PAN3: variants seen among roughly 807,000 people sequenced by gnomAD.
PAN3 encodes PAN2-PAN3 deadenylation complex subunit PAN3.
PAN3 carries 19 observed loss-of-function variants against 96.2 expected under a neutral mutation model. That is an observed-to-expected ratio of 0.20 (90% CI 0.14 to 0.29). The LOEUF (loss-of-function observed/expected upper bound fraction) is 0.29. Among genes scored for constraint, PAN3 ranks in the 10% least tolerant of loss-of-function variants. The pLI is 1.00. For synonymous variants in PAN3, 433 were observed against 406.6 expected (o/e 1.06, Z -0.78); for missense variants, 882 against 1,108.1 (o/e 0.80, Z 2.90).
chr13:28,196,348 A>G lies in PAN3; in HGVS notation c.691-837A>G, dbSNP rs148003307. On this transcript the variant is annotated intron_variant, in intron 4 of 18. Transcript: ENST00000380958. ...TTTCCTTAAGATGCAGTCTAGTGCA[A>G]ATTTGCTGTAATTAAGAGAAGTGAG... Among the ~76,000 whole-genome samples, 22 of 152,280 alleles carry G rather than the reference A, an allele frequency of 1.4e-4. No homozygotes were observed. In the East Asian group the frequency reaches 4.0e-3, roughly 28 times the overall value.
chr13:28,192,387 A>AT (rs1160668834), intron 4 of PAN3, among the ~76,000 whole-genome samples: 3 of 152,164 alleles, frequency 2.0e-5, no homozygotes, highest in Non-Finnish European at 2.9e-5. Flanking sequence ...TAAAAATTGC[A>AT]TTCAAGCTTC....
rs17086464 is a variant in PAN3, at chr13:28,257,115, A to T, written c.1248+576A>T. Among the ~76,000 whole-genome samples the T allele has an allele frequency of 4.4e-3, 664 of 152,260 alleles. 9 individuals are homozygous for T. The highest frequency in any genetic ancestry group is 0.015 in the African/African-American group (631 of 41,554). Reference sequence around the variant, plus strand: ...CGAAAGAGCTACCAAAGGACTGGCGATGAAGTGAGGGAAGAATCGTGAAAC... The same window carrying T: ...CGAAAGAGCTACCAAAGGACTGGCGTTGAAGTGAGGGAAGAATCGTGAAAC... On this transcript the variant is annotated intron_variant, in intron 7 of 18. Coordinates refer to ENST00000380958, the MANE Select transcript of PAN3 (RefSeq NM_175854.8).
intron 5 of PAN3, among the ~76,000 whole-genome samples, chr13:28,208,626 A>G (rs1879660727): frequency 6.6e-6 from 1 of 152,066 alleles, no homozygotes; most frequent in Non-Finnish European, 1.5e-5. Flanking sequence ...ATTGACTTTG[A>G]GCATCATGTT....
At chr13:28,228,010 A>G (rs1339723186) in intron 6 of PAN3, among the ~76,000 whole-genome samples, 1 of 152,200 alleles carries the variant, frequency 6.6e-6, no homozygotes, top group African/African-American at 2.4e-5. Flanking sequence ...GGAGAGTTAG[A>G]TGTCGATCTT....
chr13:28,178,140 G>T (rs1048305181), intron 4 of PAN3, among the ~76,000 whole-genome samples: 1 of 152,086 alleles, frequency 6.6e-6, no homozygotes, highest in Non-Finnish European at 1.5e-5. Context: ...GAGATTTTGT[G>T]TGAAGGGATG....
At chr13:28,179,628 T>C (rs1253651749) in intron 4 of PAN3, among the ~76,000 whole-genome samples, 1 of 150,324 alleles carries the variant, frequency 6.7e-6, no homozygotes, top group Non-Finnish European at 1.5e-5. Context: ...CGTTTGAGCC[T>C]GGGCGGTTGA....
intron 5 of PAN3, among the ~76,000 whole-genome samples, chr13:28,208,846 G>A (rs1004128818): frequency 6.6e-6 from 1 of 152,046 alleles, no homozygotes; most frequent in South Asian, 2.1e-4. Flanking sequence ...TCCATTCAGC[G>A]ATGATATGCA....
chr13:28,200,832 C>A (rs989076651), intron 5 of PAN3, among the ~76,000 whole-genome samples: 1 of 152,282 alleles, frequency 6.6e-6, no homozygotes, highest in Admixed American at 6.5e-5. Flanking sequence ...CAGTCGGGAA[C>A]CTTTGGAATG....
At chr13:28,214,889 T>C in intron 5 of PAN3, 1 of 883,662 alleles carries the variant, frequency 1.1e-6, no homozygotes, top group Non-Finnish European at 1.9e-6. Context: ...AAATTGAAGC[T>C]AGTAGCTCCA....
At chr13:28,282,541 TCCC>T (rs1432722354) in intron 17 of PAN3, among the ~76,000 whole-genome samples, 2 of 152,204 alleles carry the variant, frequency 1.3e-5, no homozygotes, top group Non-Finnish European at 2.9e-5. Context: ...TATTCTTGAT[TCCC>T]CCAATATATA....
At chr13:28,215,443 G>A (rs1381051839) in intron 5 of PAN3, 13 of 698,378 alleles carry the variant, frequency 1.9e-5, no homozygotes, top group Non-Finnish European at 3.2e-5. Flanking sequence ...GGGCTTCAAT[G>A]TTATGAATGT....
At chr13:28,261,924 C>CA (rs963792783) in intron 9 of PAN3, among the ~76,000 whole-genome samples, 3 of 150,716 alleles carry the variant, frequency 2.0e-5, no homozygotes, top group Non-Finnish European at 4.4e-5. Context: ...TTCTAGTTCA[C>CA]AAAAAAAGTA....
Position 28,277,218 on chromosome 13 carries a change from A to G in PAN3, c.2050-19A>G, listed in dbSNP as rs1192949731. 2.5e-6 allele frequency: 4 copies of G among 1,595,122 alleles called. No homozygotes were observed. Among genetic ancestry groups the G allele is most frequent in the African/African-American group, 2.7e-5 (2 of 73,658 alleles). On this transcript the variant is annotated intron_variant, in intron 14 of 18. Coordinates refer to ENST00000380958, the MANE Select transcript of PAN3 (RefSeq NM_175854.8). ...CTGTGAAATGAAAATTAAAAGTTATATTTATTCTTTCATGTCAGCAAGCAG... is the reference window on the plus strand; with the variant it reads ...CTGTGAAATGAAAATTAAAAGTTATGTTTATTCTTTCATGTCAGCAAGCAG...
intron 1 of PAN3, among the ~76,000 whole-genome samples, chr13:28,164,219 T>C (rs987824417): frequency 7.2e-5 from 11 of 152,236 alleles, no homozygotes; most frequent in Admixed American, 3.3e-4. Flanking sequence ...CTTTAAGATA[T>C]TGTTTTTCAT....
intron 9 of PAN3, among the ~76,000 whole-genome samples, chr13:28,266,363 T>A (rs1593598853): frequency 6.6e-6 from 1 of 152,214 alleles, no homozygotes; most frequent in East Asian, 1.9e-4. Flanking sequence ...CATGTTTTTT[T>A]ATTATAAACC....
intron 6 of PAN3, among the ~76,000 whole-genome samples, chr13:28,221,900 A>G (rs1881452520): frequency 6.6e-6 from 1 of 152,180 alleles, no homozygotes; most frequent in South Asian, 2.1e-4. Context: ...TGAGCTACAC[A>G]TCTTAAAATT....
At chr13:28,215,401 G>T in intron 5 of PAN3, 1 of 733,742 alleles carries the variant, frequency 1.4e-6, no homozygotes. Flanking sequence ...GCACCATGGA[G>T]CTTTGAGTGA....
At chr13:28,176,108 A>G (rs966443995) in intron 2 of PAN3, among the ~76,000 whole-genome samples, 3 of 152,218 alleles carry the variant, frequency 2.0e-5, no homozygotes, top group African/African-American at 7.2e-5. Flanking sequence ...GAATGGTAGT[A>G]CAAATGGAGA....
intron 6 of PAN3, among the ~76,000 whole-genome samples, chr13:28,220,917 G>A (rs1232104989): frequency 6.6e-6 from 1 of 152,098 alleles, no homozygotes; most frequent in Non-Finnish European, 1.5e-5. Flanking sequence ...GATCATTGCA[G>A]TAGAGAAAAA....
Sources: gnomAD v4.1 joint callset for allele counts (sites outside exome capture counted in the v4.1 genomes callset) on GRCh38, gnomAD v4.1.1 for gene constraint, MANE v1.5 for transcripts, NCBI Gene and HGNC (gene_info 2026-07-23, HGNC 2026-07-21) for gene names.